IGSF10: variants seen among roughly 807,000 people sequenced by gnomAD.
IGSF10 encodes the protein immunoglobulin superfamily member 10, also known as calvaria mechanical force protein 608.
A neutral mutation model predicts 128.2 loss-of-function variants in IGSF10; 126 were observed. That is an observed-to-expected ratio of 0.98 (90% CI 0.85 to 1.14). IGSF10 has a LOEUF of 1.14. IGSF10 is among the 50% of genes most tolerant of loss of function. IGSF10 has a pLI of 0.00. For synonymous variants in IGSF10, 1,185 were observed against 1,146.2 expected (o/e 1.03, Z -0.68); for missense variants, 3,295 against 3,149.8 (o/e 1.05, Z -1.10).
the IGSF10 span, among the ~76,000 whole-genome samples, chr3:151,473,652 G>C: frequency 6.6e-6 from 1 of 152,124 alleles, no homozygotes; most frequent in African/African-American, 2.4e-5. Flanking sequence ...TTTCCCACTG[G>C]ATGTTGTTCA....
At chr3:151,553,073 A>AT in the IGSF10 span, among the ~76,000 whole-genome samples, 6 of 152,172 alleles carry the variant, frequency 3.9e-5, no homozygotes, top group African/African-American at 1.4e-4. Flanking sequence ...AATATAATAA[A>AT]TGTAGCTTTA....
downstream of IGSF10, chr3:151,435,079 T>TTTTTTTTC (rs1560163612): frequency 1.3e-5 from 2 of 148,394 alleles, no homozygotes; most frequent in African/African-American, 2.5e-5. Flanking sequence ...TTTTTTTTTT[T>TTTTTTTTC]TTTCTTTTCT....
chr3:151,445,514 G>A lies in IGSF10; in HGVS notation c.4467C>T (p.Asn1489=), dbSNP rs184510809. 1.3e-4 allele frequency: 213 copies of A among 1,614,150 alleles called. No homozygotes were observed. Among genetic ancestry groups the A allele is most frequent in the African/African-American group, 1.7e-4 (13 of 75,020 alleles). Residue 1489 remains asparagine, a synonymous_variant, in exon 6 of 8, where the codon AAC becomes AAT. Transcript: ENST00000282466. ...TAAGCCCGGAAATGGGAGTCGCCAC[G>A]TTGTCAGTAACTGCTCTCTGAGTAA... The part of the protein sequence containing the change: ...PPFTQRAVTD[N]VATPISGLMT...
the IGSF10 span, among the ~76,000 whole-genome samples, chr3:151,473,350 G>C: frequency 6.6e-6 from 1 of 152,164 alleles, no homozygotes; most frequent in South Asian, 2.1e-4. Context: ...GGGAGGAATG[G>C]AAAACTATTA....
Position 151,446,923 on chromosome 3 carries a change from C to A in IGSF10, c.3058G>T (p.Gly1020Trp). Reference sequence around the variant, plus strand: ...GTTCTATATGGGCTGATAATCCGCCCCCTTCCGCCAATTTTCCTCTGCCTC... The same window carrying A: ...GTTCTATATGGGCTGATAATCCGCCACCTTCCGCCAATTTTCCTCTGCCTC... ...FGRQRKIGGR[G>W]RIISPYRTPV... The change falls in exon 6 of 8, where the codon GGG (glycine) becomes TGG (tryptophan). Residue 1020 changes from glycine (G) to tryptophan (W), a missense_variant. By Grantham distance (184) the Gly-to-Trp change is radical. Transcript: ENST00000282466. 1 of 1,614,176 alleles carries A rather than the reference C, an allele frequency of 6.2e-7. No individual in the cohort carries two copies. The highest frequency in any genetic ancestry group is 8.5e-7 in the Non-Finnish European group (1 of 1,180,030).
intron 2 of IGSF10, among the ~76,000 whole-genome samples, chr3:151,459,681 A>T (rs956685971): frequency 7.9e-5 from 12 of 152,290 alleles, no homozygotes; most frequent in African/African-American, 2.9e-4. Context: ...AAAAAAAAAA[A>T]TGGTATCTGT....
Position 151,443,029 on chromosome 3 carries a change from A to G in IGSF10, c.5918T>C (p.Ile1973Thr). 1 of 1,614,152 alleles carries G rather than the reference A, an allele frequency of 6.2e-7. No individual in the cohort carries two copies. The highest frequency in any genetic ancestry group is 1.3e-5 in the African/African-American group (1 of 75,040). ...AGCCTTGGATGGTAACCTCCACATT[A>G]TTTGGGGTTTGGGCTCCCCAGTGGC... ...CSATGEPKPQ[I>T]MWRLPSKAVV... Residue 1973 changes from isoleucine (I) to threonine (T), a missense_variant, in exon 7 of 8, where the codon ATA (isoleucine) becomes ACA (threonine). Transcript: ENST00000282466.
chr3:151,517,300 A>G, the IGSF10 span, among the ~76,000 whole-genome samples: 5 of 151,986 alleles, frequency 3.3e-5, no homozygotes, highest in African/African-American at 1.2e-4. Context: ...GTTGTAGGGG[A>G]TTAACAAAGA....
upstream of IGSF10, among the ~76,000 whole-genome samples, chr3:151,464,625 G>A (rs1722219385): frequency 6.6e-6 from 1 of 152,162 alleles, no homozygotes; most frequent in Admixed American, 6.5e-5. Flanking sequence ...ATAACCAAAT[G>A]CCAAAATTGT....
chr3:151,526,386 C>T, the IGSF10 span, among the ~76,000 whole-genome samples: 3 of 143,352 alleles, frequency 2.1e-5, no homozygotes, highest in Non-Finnish European at 3.1e-5. Flanking sequence ...TATATTTCAG[C>T]GTTAATGTCA....
At chr3:151,555,608 A>G in the IGSF10 span, among the ~76,000 whole-genome samples, 1 of 152,192 alleles carries the variant, frequency 6.6e-6, no homozygotes, top group Non-Finnish European at 1.5e-5. Context: ...TGACCTAATC[A>G]AAGTAGCACT....
At position 151,448,706 on chromosome 3, in the gene IGSF10, A is replaced by G; in HGVS notation, c.1275T>C (p.Asp425=). Residue 425 remains aspartate, a synonymous_variant, in exon 6 of 8, where the codon GAT becomes GAC. Coordinates refer to ENST00000282466, the MANE Select transcript of IGSF10 (RefSeq NM_178822.5). ...FTNIEADLRA[D]PSWLMQDQIS... is the part of the protein sequence containing the mutation. The stretch of plus-strand genomic sequence containing the variant: ...TTTGGTCTTGCATTAACCAAGAGGG[A>G]TCTGCTCTGAGATCTGCCTCTATGT... 6.2e-7 allele frequency: 1 copy of G among 1,614,112 alleles called. No homozygotes were observed. Among genetic ancestry groups the G allele is most frequent in the Non-Finnish European group, 8.5e-7 (1 of 1,179,962 alleles).
intron 1 of IGSF10, 58 bp from the exon 2 acceptor site, chr3:151,460,405 T>A (rs1721994823): frequency 1.9e-6 from 1 of 531,548 alleles, no homozygotes; most frequent in Non-Finnish European, 2.4e-6. Flanking sequence ...TCTTTTTGGC[T>A]TACAGCCAGG....
downstream of IGSF10, chr3:151,433,664 T>G (rs1458759007): frequency 2.0e-5 from 3 of 152,482 alleles, no homozygotes; most frequent in Non-Finnish European, 2.9e-5. Flanking sequence ...TATGCCACCT[T>G]AAGGGGAAAA....
At chr3:151,517,426 C>T in the IGSF10 span, among the ~76,000 whole-genome samples, 1 of 151,960 alleles carries the variant, frequency 6.6e-6, no homozygotes, top group South Asian at 2.1e-4. Flanking sequence ...GTATTATCCT[C>T]CTGATAGTCA....
At chr3:151,433,073 A>G, downstream of IGSF10, 1 of 344,400 alleles carries the variant, frequency 2.9e-6, no homozygotes, top group Non-Finnish European at 5.3e-6. Flanking sequence ...GTGTGCTAGC[A>G]GACCTTTTGA....
the IGSF10 span, among the ~76,000 whole-genome samples, chr3:151,507,292 C>T: frequency 3.3e-5 from 5 of 152,102 alleles, no homozygotes; most frequent in Admixed American, 6.6e-5. Context: ...CTGGGAGCCA[C>T]GTGGCTACTT....
chr3:151,600,241 G>C, the IGSF10 span, among the ~76,000 whole-genome samples: 2 of 151,870 alleles, frequency 1.3e-5, no homozygotes, highest in Non-Finnish European at 2.9e-5. Flanking sequence ...TTTTTAAGAA[G>C]ATAAGTAATA....
At chr3:151,533,051 C>T in the IGSF10 span, among the ~76,000 whole-genome samples, 1 of 152,054 alleles carries the variant, frequency 6.6e-6, no homozygotes, top group Non-Finnish European at 1.5e-5. Context: ...CATAAATGAA[C>T]TCCCATTCAC....
Sources: gnomAD v4.1 joint callset for allele counts (sites outside exome capture counted in the v4.1 genomes callset) on GRCh38, gnomAD v4.1.1 for gene constraint, MANE v1.5 for transcripts, NCBI Gene and HGNC (gene_info 2026-07-23, HGNC 2026-07-21) for gene names.